RUNDC3B: variants seen among roughly 807,000 people sequenced by gnomAD.
The protein encoded by RUNDC3B is RUN domain containing 3B.
In RUNDC3B, 33 loss-of-function variants were observed where a neutral mutation model predicts 58.4. The observed-to-expected ratio is 0.56, with a 90% CI of 0.43 to 0.75. The LOEUF (loss-of-function observed/expected upper bound fraction) is 0.75, where lower values mean the gene tolerates loss of function less well. RUNDC3B is among the 30% of genes least tolerant of loss of function. The probability of loss-of-function intolerance (pLI) is 0.00; values close to 1 mark genes in which losing one functional copy is unlikely to be tolerated. For missense variants in RUNDC3B, 501 were observed against 535.7 expected (o/e 0.94, Z 0.64); for synonymous variants, 193 against 195.2 (o/e 0.99, Z 0.10).
rs1033174478 is a variant in RUNDC3B at position 87,681,356 on chromosome 7, A to G, written c.239-19065A>G. Reference sequence around the variant, plus strand: ...AACTATTAGCCTGATACAAAATTAGACAAAATATTACAAGAAAAGGAAACT... The same window carrying G: ...AACTATTAGCCTGATACAAAATTAGGCAAAATATTACAAGAAAAGGAAACT... On this transcript the variant is annotated intron_variant, in intron 2 of 10. Transcript: ENST00000394654. Among the ~76,000 whole-genome samples the G allele has an allele frequency of 1.3e-5, 2 of 150,612 alleles. 1 individual carries two copies. The highest frequency in any genetic ancestry group is 1.3e-4 in the Admixed American group (2 of 15,066).
Position 87,826,046 on chromosome 7 carries a change from G to A in RUNDC3B, c.1226-3839G>A, listed in dbSNP as rs151187110. Among the ~76,000 whole-genome samples, 478 of 152,242 alleles carry A rather than the reference G, an allele frequency of 3.1e-3. 6 individuals are homozygous for A. In the East Asian group the frequency reaches 0.049, roughly 16 times the overall value. Reference sequence around the variant, plus strand: ...TTGAATTGATGCTGAAATGAGTTAAGACTTTGAGGGACTGTTGGGAAGGCA... The same window carrying A: ...TTGAATTGATGCTGAAATGAGTTAAAACTTTGAGGGACTGTTGGGAAGGCA... On this transcript the variant is annotated intron_variant, in intron 10 of 10. Transcript: ENST00000394654.
At chr7:87,764,401 T>G (rs895592123) in intron 6 of RUNDC3B, among the ~76,000 whole-genome samples, 1 of 151,886 alleles carries the variant, frequency 6.6e-6, no homozygotes, top group Admixed American at 6.6e-5. Flanking sequence ...TCTTTATTCT[T>G]GAATGAGCTC....
intron 1 of RUNDC3B, among the ~76,000 whole-genome samples, chr7:87,643,328 T>C (rs1382249307): frequency 3.3e-5 from 5 of 152,166 alleles, no homozygotes; most frequent in Admixed American, 6.5e-5. Context: ...TGGTTGGGAC[T>C]TTTTTTGGTT....
intron 1 of RUNDC3B, among the ~76,000 whole-genome samples, chr7:87,648,270 G>A (rs974296345): frequency 4.6e-5 from 7 of 151,692 alleles, no homozygotes; most frequent in African/African-American, 1.7e-4. Flanking sequence ...AGTTACAGAA[G>A]AAATCATTGA....
intron 2 of RUNDC3B, among the ~76,000 whole-genome samples, chr7:87,675,426 G>A (rs892974736): frequency 1.2e-4 from 19 of 152,124 alleles, no homozygotes; most frequent in African/African-American, 4.6e-4. Flanking sequence ...CAAAGCTGAA[G>A]GCATTATGCT....
chr7:87,785,737 T>A (rs1253391297), intron 8 of RUNDC3B, among the ~76,000 whole-genome samples: 1 of 152,162 alleles, frequency 6.6e-6, no homozygotes, highest in Admixed American at 6.5e-5. Flanking sequence ...CAGAGCAAGA[T>A]GGAGAGACTT....
At position 87,705,525 on chromosome 7, in the gene RUNDC3B, T is replaced by C. The variant is rs17149866; in HGVS notation, c.372+4971T>C. On this transcript the variant is annotated intron_variant, in intron 3 of 10. Transcript: ENST00000394654. ...CTAGTTTAGCCATAAGACTTAAACATAGCCTAACAATAGAATAAAATATTT... is the reference window on the plus strand; with the variant it reads ...CTAGTTTAGCCATAAGACTTAAACACAGCCTAACAATAGAATAAAATATTT... Among the ~76,000 whole-genome samples, 475 of 152,360 alleles carry C rather than the reference T, an allele frequency of 3.1e-3. 6 individuals carry two copies. The East Asian group carries it at 0.049, about 16-fold the overall frequency.
chr7:87,768,364 C>G (rs1319935901), intron 6 of RUNDC3B, among the ~76,000 whole-genome samples: 1 of 152,154 alleles, frequency 6.6e-6, no homozygotes, highest in East Asian at 1.9e-4. Context: ...TCCCCAGGGT[C>G]CTGATGGTCC....
At chr7:87,746,176 A>C (rs1209573204) in intron 6 of RUNDC3B, among the ~76,000 whole-genome samples, 1 of 152,168 alleles carries the variant, frequency 6.6e-6, no homozygotes, top group Non-Finnish European at 1.5e-5. Context: ...GCTTGATATA[A>C]TTTCAATTTT....
At chr7:87,732,194 T>TA (rs1369725786) in intron 4 of RUNDC3B, among the ~76,000 whole-genome samples, 11 of 151,914 alleles carry the variant, frequency 7.2e-5, no homozygotes, top group Non-Finnish European at 1.5e-4. Context: ...GAAGAAAATT[T>TA]AAAAAAACAA....
intron 2 of RUNDC3B, among the ~76,000 whole-genome samples, chr7:87,677,591 G>GACCT (rs929677764): frequency 5.9e-5 from 9 of 152,076 alleles, no homozygotes; most frequent in African/African-American, 1.9e-4. Context: ...AAGTGCTGGA[G>GACCT]ACCTATATTG....
At chr7:87,638,900 C>A (rs1485734671) in intron 1 of RUNDC3B, among the ~76,000 whole-genome samples, 12 of 152,098 alleles carry the variant, frequency 7.9e-5, no homozygotes, top group Admixed American at 7.9e-4. Flanking sequence ...CACCTGTAAT[C>A]CCAGCACTTT....
At chr7:87,800,653 CTTTT>C (rs571588791) in intron 8 of RUNDC3B, among the ~76,000 whole-genome samples, 2 of 137,584 alleles carry the variant, frequency 1.5e-5, no homozygotes, top group Admixed American at 7.3e-5. Context: ...CTTTTCTTTT[CTTTT>C]TTTTTTTTTT....
intron 1 of RUNDC3B, 154 bp downstream of exon 1, chr7:87,629,099 T>C: frequency 1.5e-6 from 1 of 666,366 alleles, no homozygotes. Context: ...CGCAGCTCCT[T>C]GGACAGGGGC....
intron 7 of RUNDC3B, among the ~76,000 whole-genome samples, chr7:87,771,464 C>T (rs949607390): frequency 2.6e-4 from 40 of 152,070 alleles, no homozygotes; most frequent in African/African-American, 8.4e-4. Flanking sequence ...ACTTTTCATG[C>T]GCTATTAAAG....
At chr7:87,813,706 G>A (rs189378027) in intron 9 of RUNDC3B, among the ~76,000 whole-genome samples, 32 of 152,166 alleles carry the variant, frequency 2.1e-4, no homozygotes, top group African/African-American at 7.2e-4. Context: ...TTGGCCGGGC[G>A]CAGTGGCTCA....
At chr7:87,724,332 A>G (rs1309991039) in intron 4 of RUNDC3B, among the ~76,000 whole-genome samples, 1 of 152,162 alleles carries the variant, frequency 6.6e-6, no homozygotes, top group Non-Finnish European at 1.5e-5. Context: ...AAAAGCAGGG[A>G]TAGTTGTGTA....
chr7:87,751,355 T>C (rs201982056), intron 6 of RUNDC3B, among the ~76,000 whole-genome samples: 4 of 152,122 alleles, frequency 2.6e-5, no homozygotes, highest in African/African-American at 9.7e-5. Flanking sequence ...ATTGACTTGG[T>C]GATGCGGGCT....
intron 2 of RUNDC3B, among the ~76,000 whole-genome samples, chr7:87,670,327 T>C (rs541264366): frequency 1.3e-5 from 2 of 152,362 alleles, no homozygotes; most frequent in South Asian, 2.1e-4. Flanking sequence ...GTCAGACCCA[T>C]TGGGTTCTGT....
Sources: allele counts gnomAD v4.1 joint callset (sites outside exome capture counted in the v4.1 genomes callset), GRCh38; gene constraint gnomAD v4.1.1; transcripts MANE v1.5; gene names NCBI Gene and HGNC (gene_info 2026-07-23, HGNC 2026-07-21).